UGT3A1: variants seen among roughly 807,000 people sequenced by gnomAD.
The protein encoded by UGT3A1 is UDP glycosyltransferase family 3 member A1, also known as UDP-glycosyltransferase 3A1.
Under a neutral mutation model 37.6 loss-of-function variants are expected in UGT3A1, and 40 were observed. The observed-to-expected ratio is 1.06, with a 90% CI of 0.83 to 1.38. The LOEUF is 1.38. Ranked by LOEUF, UGT3A1 falls within the 40% of genes most tolerant of loss-of-function variation. UGT3A1 has a pLI of 0.00. For missense variants in UGT3A1, 642 were observed against 634.2 expected (o/e 1.01, Z -0.13); for synonymous variants, 256 against 232.3 (o/e 1.10, Z -0.93).
chr5:35,959,370 T>C (rs1451290011), intron 4 of UGT3A1, among the ~76,000 whole-genome samples: 1 of 152,182 alleles, frequency 6.6e-6, no homozygotes, highest in Admixed American at 6.5e-5. Context: ...AACACAGGCA[T>C]TGGACTTACT....
In UGT3A1 at chr5:35,954,372, C is replaced by T. The variant is rs774219153; in HGVS notation, c.1402G>A (p.Ala468Thr). 1.9e-6 allele frequency: 3 copies of T among 1,614,084 alleles called. No individual in the cohort carries two copies. The highest frequency in any genetic ancestry group is 2.2e-5 in the East Asian group (1 of 44,900). ...AAGGCATAGGGCTTGAGGTGCGTCG[C>T]TCCCCCAGTCTGGAGGATGTGGTCG... is the stretch of plus-strand genomic sequence containing the variant. ...WIDHILQTGGATHLKPYAFQQ... is the reference protein window; with the variant it reads ...WIDHILQTGGTTHLKPYAFQQ... Residue 468 changes from alanine (A) to threonine (T), a missense_variant, in exon 7 of 7, where the codon GCG becomes ACG. Physicochemically the swap from Ala to Thr is moderately conservative, Grantham distance 58 (BLOSUM62 0). Transcript: ENST00000274278.
upstream of UGT3A1, among the ~76,000 whole-genome samples, chr5:35,995,743 C>T (rs572249776): frequency 1.7e-4 from 26 of 152,236 alleles, no homozygotes; most frequent in Non-Finnish European, 2.5e-4. Flanking sequence ...TCCTTCAGTG[C>T]TCCAAAGGGT....
chr5:35,987,456 G>T (rs936823030), intron 2 of UGT3A1, among the ~76,000 whole-genome samples: 10 of 152,104 alleles, frequency 6.6e-5, no homozygotes, highest in Admixed American at 6.5e-4. Flanking sequence ...AAAGTAGTGG[G>T]TCTATAGCTT....
chr5:35,981,576 A>G (rs1490427919), intron 2 of UGT3A1, among the ~76,000 whole-genome samples: 1 of 152,228 alleles, frequency 6.6e-6, no homozygotes, highest in Non-Finnish European at 1.5e-5. Context: ...CTAAGCAGCA[A>G]AGCATTCAAG....
At position 35,955,791 on chromosome 5, in the gene UGT3A1, C is replaced by T. The variant is rs745663203; in HGVS notation, c.1149G>A (p.Val383=). The change falls in exon 6 of 7, where the codon GTG becomes GTA. Residue 383 remains valine (V), a synonymous_variant. Transcript: ENST00000274278. ...NSVMEAIRHG[V]PMVGLPVNGD... The stretch of plus-strand genomic sequence containing the variant: ...CATTGACTGGTAATCCCACCATGGG[C>T]ACACCATGACGGATGGCCTCCATTA... The T allele has an allele frequency of 1.7e-5, 28 of 1,614,218 alleles. 1 individual carries two copies. In the East Asian group the frequency reaches 5.6e-4, roughly 32 times the overall value.
intron 2 of UGT3A1, among the ~76,000 whole-genome samples, chr5:35,972,553 C>A (rs1740089178): frequency 6.9e-6 from 1 of 145,580 alleles, no homozygotes; most frequent in African/African-American, 2.5e-5. Context: ...TACTGTTTTT[C>A]TGATTTCCTA....
chr5:35,967,600 A>G (rs1408700719), intron 3 of UGT3A1, among the ~76,000 whole-genome samples: 1 of 152,192 alleles, frequency 6.6e-6, no homozygotes, highest in Non-Finnish European at 1.5e-5. Context: ...ATAAGTGAGA[A>G]TAGGTGTTTC....
At chr5:35,972,089 T>C (rs984178265) in intron 2 of UGT3A1, among the ~76,000 whole-genome samples, 3 of 151,780 alleles carry the variant, frequency 2.0e-5, no homozygotes, top group Admixed American at 6.6e-5. Context: ...TCAAAGATTT[T>C]TTTCCCAGGC....
upstream of UGT3A1, chr5:35,991,685 T>G (rs534335484): frequency 1.0e-6 from 1 of 972,720 alleles, no homozygotes; most frequent in Non-Finnish European, 1.2e-6. Context: ...CTGCCTCTAT[T>G]ACCTCATAGT....
At chr5:35,988,182 T>C (rs953139956) in intron 2 of UGT3A1, among the ~76,000 whole-genome samples, 1 of 152,156 alleles carries the variant, frequency 6.6e-6, no homozygotes, top group Non-Finnish European at 1.5e-5. Flanking sequence ...TTCCTCAAAA[T>C]AATTAATAAT....
chr5:35,962,992 C>T (rs905025089), intron 4 of UGT3A1: 6 of 700,288 alleles, frequency 8.6e-6, no homozygotes, highest in Non-Finnish European at 1.6e-5. Context: ...ATTTCCCTTC[C>T]TTCTTTCAAT....
At chr5:35,970,929 C>T (rs1740009915) in intron 2 of UGT3A1, among the ~76,000 whole-genome samples, 1 of 152,272 alleles carries the variant, frequency 6.6e-6, no homozygotes, top group African/African-American at 2.4e-5. Flanking sequence ...GAACCTCATA[C>T]CCATGGTTAT....
chr5:35,966,475 G>A (rs934106687), intron 3 of UGT3A1, among the ~76,000 whole-genome samples: 4 of 152,130 alleles, frequency 2.6e-5, no homozygotes, highest in African/African-American at 9.7e-5. Context: ...TAGCCTAGGA[G>A]TTAAACAGTA....
In UGT3A1 at chr5:35,987,479, CA is replaced by C. The variant is rs547321918; in HGVS notation, c.196+970del. On this transcript the variant is annotated intron_variant, in intron 2 of 6. Coordinates refer to ENST00000274278, the MANE Select transcript of UGT3A1 (RefSeq NM_152404.4). ...GGGTCTATAGCTTTCAGCAGTTTGT[CA>C]AAAGCTATTGGAACCACCAAAATAA... 4.1e-3 allele frequency among the ~76,000 whole-genome samples: 631 copies of C among 152,162 alleles called. 5 individuals are homozygous for C. Among genetic ancestry groups the C allele is most frequent in the Middle Eastern group, 0.027 (8 of 294 alleles).
chr5:35,980,360 G>C (rs1189296623), intron 2 of UGT3A1, among the ~76,000 whole-genome samples: 1 of 152,186 alleles, frequency 6.6e-6, no homozygotes, highest in African/African-American at 2.4e-5. Flanking sequence ...AGAGCTCATG[G>C]AGAAGGTAGC....
intron 2 of UGT3A1, among the ~76,000 whole-genome samples, chr5:35,981,731 A>C (rs1224557508): frequency 6.6e-6 from 1 of 152,238 alleles, no homozygotes; most frequent in Non-Finnish European, 1.5e-5. Context: ...TCTGGGGTGA[A>C]ATTCAAGCAG....
At chr5:35,957,493 C>A in intron 4 of UGT3A1, 74 bp from the exon 5 acceptor site, 1 of 1,249,276 alleles carries the variant, frequency 8.0e-7, no homozygotes, top group South Asian at 1.4e-5. Context: ...GAAACCCAGT[C>A]TATTTACTAA....
rs1289481699 is a variant in UGT3A1, at chr5:35,986,260, CAA to C, written c.196+2188_196+2189del. Among the ~76,000 whole-genome samples, 8 of 152,174 alleles carry C rather than the reference CAA, an allele frequency of 5.3e-5. No individual in the cohort carries two copies. In the East Asian group the frequency reaches 1.5e-3, roughly 29 times the overall value. ...GTACAGCTGCTATGGAAAACTCTAT[CAA>C]GATTCCTCAAAAAACTAAAGACAGA... On this transcript the variant is annotated intron_variant, in intron 2 of 6. Transcript: ENST00000274278.
chr5:35,951,997 A>C lies in UGT3A1; in HGVS notation c.*2205T>G, dbSNP rs1739208753. The C allele has an allele frequency of 6.6e-6, 1 of 152,202 alleles. No homozygotes were observed. Among genetic ancestry groups the C allele is most frequent in the Non-Finnish European group, 1.5e-5 (1 of 68,032 alleles). 9.4% of individuals were successfully genotyped at this position (152,202 alleles called of 1,614,324 possible). ...AACCAGTCCCTGTCTTTATGACCTT[A>C]TGGTTTCTAAATAGGAAACAGATAT... On this transcript the variant is annotated 3_prime_UTR_variant, in exon 7 of 7. Transcript: ENST00000274278.
Sources: allele counts gnomAD v4.1 joint callset (sites outside exome capture counted in the v4.1 genomes callset), GRCh38; gene constraint gnomAD v4.1.1; transcripts MANE v1.5; gene names NCBI Gene and HGNC (gene_info 2026-07-23, HGNC 2026-07-21).